Variants in SMAP1 observed in about 807,000 individuals in gnomAD.
SMAP1 encodes small ArfGAP 1, also known as stromal membrane-associated protein 1.
Under a neutral mutation model 58.5 loss-of-function variants are expected in SMAP1, and 24 were observed. That is an observed-to-expected ratio of 0.41 (90% CI 0.30 to 0.58). SMAP1 has a LOEUF of 0.58. SMAP1 is among the 20% of genes least tolerant of loss of function. The pLI is 0.29. For missense variants in SMAP1, 563 were observed against 566.3 expected, an observed-to-expected ratio of 0.99 and a Z score of 0.06; for synonymous variants, 216 against 196.6, an observed-to-expected ratio of 1.10 and a Z score of -0.82.
chr6:70,798,724 T>G lies in SMAP1; in HGVS notation c.563T>G (p.Leu188Arg), dbSNP rs1360212786. The G allele has an allele frequency of 2.6e-6, 4 of 1,560,754 alleles. No individual in the cohort carries two copies. Among genetic ancestry groups the G allele is most frequent in the Non-Finnish European group, 3.5e-6 (4 of 1,154,510 alleles). Reference protein sequence around the residue: ...EKEPEKPAKPLTAEKLQKKDQ... With the variant: ...EKEPEKPAKPRTAEKLQKKDQ... ...GAGCCAGAAAAGCCGGCAAAACCAC[T>G]TACAGCTGAAAAGGTAAAATTCTTT... is the stretch of plus-strand genomic sequence containing the variant. Residue 188 changes from leucine (L) to arginine (R), a missense_variant, in exon 6 of 11, where the codon CTT becomes CGT. Physicochemically the swap from Leu to Arg is moderately radical, Grantham distance 102. This residue lies in a region of SMAP1 where 494 missense variants were observed against 473.8 expected (regional missense o/e 1.04). Transcript: ENST00000370455.
At chr6:70,842,445 C>T (rs1770838598) in intron 7 of SMAP1, among the ~76,000 whole-genome samples, 2 of 152,154 alleles carry the variant, frequency 1.3e-5, no homozygotes, top group Admixed American at 1.3e-4. Flanking sequence ...GGTGAACTGA[C>T]ACCAGAAACG....
chr6:70,743,628 T>C (rs1187021684), intron 2 of SMAP1, among the ~76,000 whole-genome samples: 1 of 152,206 alleles, frequency 6.6e-6, no homozygotes, highest in Non-Finnish European at 1.5e-5. Context: ...AAAGCCTTTT[T>C]TCTTATTTTG....
At chr6:70,738,367 AT>A (rs1562125133) in intron 2 of SMAP1, among the ~76,000 whole-genome samples, 1 of 151,948 alleles carries the variant, frequency 6.6e-6, no homozygotes, top group Non-Finnish European at 1.5e-5. Context: ...GTGTGAAAAG[AT>A]TCTCAGGTTA....
At position 70,786,171 on chromosome 6, in the gene SMAP1, C is replaced by G. The variant is rs1034493647; in HGVS notation, c.415-5518C>G. Among the ~76,000 whole-genome samples the G allele has an allele frequency of 9.6e-4, 146 of 151,558 alleles. 5 individuals carry two copies. The East Asian group carries it at 0.02, about 21-fold the overall frequency. The stretch of plus-strand genomic sequence containing the variant: ...ATATACACAAATCAATAAATGTAAT[C>G]CAGCATATAAACAGAACCAAAGACA... On this transcript the variant is annotated intron_variant, in intron 4 of 10. Transcript: ENST00000370455.
In SMAP1 at chr6:70,677,432, CTTTTTTTTTTTT is replaced by C. The variant is rs58133069; in HGVS notation, c.118+9308_118+9319del. Among the ~76,000 whole-genome samples the C allele has an allele frequency of 2.0e-3, 118 of 60,426 alleles. 1 individual carries two copies. Among genetic ancestry groups the C allele is most frequent in the African/African-American group, 8.8e-3 (112 of 12,736 alleles). The allele number at this position is 60,426 out of a possible 152,430, so 39.6% of individuals were successfully genotyped here. On this transcript the variant is annotated intron_variant, in intron 1 of 10. Transcript: ENST00000370455. ...TCTTGAATCCCATACCTTGTCACTT[CTTTTTTTTTTTT>C]TTTTTTTTTTTTTTTTGAGGTGGAG...
chr6:70,741,612 G>A (rs1248286462), intron 2 of SMAP1, among the ~76,000 whole-genome samples: 1 of 152,172 alleles, frequency 6.6e-6, no homozygotes, highest in East Asian at 1.9e-4. Flanking sequence ...CATGGTGCAA[G>A]CTGTTGCTGG....
intron 7 of SMAP1, among the ~76,000 whole-genome samples, chr6:70,848,723 G>A (rs895387838): frequency 6.6e-6 from 1 of 152,132 alleles, no homozygotes; most frequent in African/African-American, 2.4e-5. Context: ...TTATAATGAT[G>A]GTAATGATAA....
At chr6:70,829,313 A>G (rs946253686) in intron 6 of SMAP1, among the ~76,000 whole-genome samples, 5 of 145,118 alleles carry the variant, frequency 3.4e-5, no homozygotes, top group African/African-American at 1.0e-4. Flanking sequence ...TGTTTTTGCT[A>G]TGTTGTCCAG....
At chr6:70,715,198 C>T (rs1369334935) in intron 1 of SMAP1, among the ~76,000 whole-genome samples, 1 of 148,684 alleles carries the variant, frequency 6.7e-6, no homozygotes, top group Admixed American at 6.9e-5. Flanking sequence ...TCCCTAGGCT[C>T]AGGACCTCCT....
intron 6 of SMAP1, among the ~76,000 whole-genome samples, chr6:70,821,232 T>C (rs1374828745): frequency 1.3e-5 from 2 of 152,242 alleles, no homozygotes; most frequent in Non-Finnish European, 2.9e-5. Context: ...TCTTCCTCTG[T>C]ATGGATTCTT....
intron 6 of SMAP1, among the ~76,000 whole-genome samples, chr6:70,808,830 T>G (rs1389130858): frequency 6.6e-6 from 1 of 152,104 alleles, no homozygotes; most frequent in Admixed American, 6.6e-5. Flanking sequence ...CAGGTTTTTT[T>G]TTTTTCTGTT....
chr6:70,852,050 C>G (rs905285476), intron 7 of SMAP1, among the ~76,000 whole-genome samples: 179 of 152,060 alleles, frequency 1.2e-3, no homozygotes, highest in Non-Finnish European at 1.6e-3. Context: ...GATATTATCT[C>G]CAAAACACAC....
intron 7 of SMAP1, among the ~76,000 whole-genome samples, chr6:70,840,785 A>C (rs1237191520): frequency 6.6e-6 from 1 of 152,204 alleles, no homozygotes; most frequent in Non-Finnish European, 1.5e-5. Flanking sequence ...TCGTCTTAGA[A>C]ATTACCAAGG....
intron 6 of SMAP1, among the ~76,000 whole-genome samples, chr6:70,824,096 C>T (rs1299868472): frequency 6.6e-6 from 1 of 152,130 alleles, no homozygotes; most frequent in Non-Finnish European, 1.5e-5. Context: ...GTCTATCTGC[C>T]TGCCTGTCTC....
chr6:70,748,336 AG>A (rs1302123685), intron 2 of SMAP1, among the ~76,000 whole-genome samples: 6 of 152,194 alleles, frequency 3.9e-5, no homozygotes, highest in African/African-American at 1.4e-4. Flanking sequence ...TGTGTTTTAA[AG>A]CTTTTAATGA....
intron 5 of SMAP1, among the ~76,000 whole-genome samples, chr6:70,796,283 AAT>A (rs1768604548): frequency 6.6e-6 from 1 of 152,184 alleles, no homozygotes; most frequent in African/African-American, 2.4e-5. Flanking sequence ...TAACAGCAAT[AAT>A]AAATATCAAA....
rs374226519 is a variant in SMAP1 at position 70,860,436 on chromosome 6, C to T, written c.*102C>T. ...CATATGCATATTTTTTTTCTTTTTA[C>T]CCATTTGTTCATATTAAGAATGATC... On this transcript the variant is annotated 3_prime_UTR_variant, in exon 11 of 11. Transcript: ENST00000370455. 2.2e-6 allele frequency: 3 copies of T among 1,365,272 alleles called. No individual in the cohort carries two copies. The highest frequency in any genetic ancestry group is 3.0e-6 in the Non-Finnish European group (3 of 1,011,486). The allele number at this position is 1,365,272 out of a possible 1,614,324, so 84.6% of individuals were successfully genotyped here.
intron 7 of SMAP1, among the ~76,000 whole-genome samples, chr6:70,842,748 A>G (rs1183878676): frequency 6.6e-6 from 1 of 152,174 alleles, no homozygotes; most frequent in African/African-American, 2.4e-5. Flanking sequence ...GCAGGGAGCC[A>G]GCTTCCTCTT....
At chr6:70,728,211 C>G (rs186092494) in intron 1 of SMAP1, among the ~76,000 whole-genome samples, 23 of 152,242 alleles carry the variant, frequency 1.5e-4, no homozygotes, top group Admixed American at 1.4e-3. Flanking sequence ...AGGTTCATTC[C>G]TTATTGTCTC....
Sources: gnomAD v4.1 joint callset for allele counts (sites outside exome capture counted in the v4.1 genomes callset) on GRCh38, gnomAD v4.1.1 for gene constraint, gnomAD v4.1.1 regional missense constraint, MANE v1.5 for transcripts, NCBI Gene and HGNC (gene_info 2026-07-23, HGNC 2026-07-21) for gene names.